The following NRXN3 variants were observed in gnomAD, a reference collection of about 807,000 sequenced individuals.
NRXN3 encodes the protein neurexin 3.
Under a neutral mutation model 137.6 loss-of-function variants are expected in NRXN3, and 32 were observed. The ratio of observed to expected loss-of-function variants is 0.23; its 90% CI spans 0.18 to 0.31. The LOEUF (loss-of-function observed/expected upper bound fraction) is 0.31, where lower values mean the gene tolerates loss of function less well. NRXN3 is among the 10% of genes least tolerant of loss of function. The pLI is 1.00. For synonymous variants in NRXN3, 798 were observed against 784.5 expected, an observed-to-expected ratio of 1.02 and a Z score of -0.29; for missense variants, 1,574 against 2,062.5, an observed-to-expected ratio of 0.76 and a Z score of 4.59.
At chr14:79,653,738 A>C (rs563922104) in intron 16 of NRXN3, among the ~76,000 whole-genome samples, 10 of 152,250 alleles carry the variant, frequency 6.6e-5, no homozygotes, top group African/African-American at 2.4e-4. Flanking sequence ...TCTATTTGCC[A>C]AATAATAATT....
chr14:79,700,914 T>A (rs1344088954), intron 19 of NRXN3, among the ~76,000 whole-genome samples: 1 of 152,116 alleles, frequency 6.6e-6, no homozygotes, highest in African/African-American at 2.4e-5. Flanking sequence ...TATTGAATTT[T>A]AAAAAATTTA....
At chr14:78,842,949 T>C (rs1379172066) in intron 10 of NRXN3, among the ~76,000 whole-genome samples, 1 of 152,132 alleles carries the variant, frequency 6.6e-6, no homozygotes, top group African/African-American at 2.4e-5. Context: ...GTGCCCAGAT[T>C]TCATATTGTT....
At chr14:78,228,010 C>CT (rs1270968731) in intron 1 of NRXN3, among the ~76,000 whole-genome samples, 1 of 152,150 alleles carries the variant, frequency 6.6e-6, no homozygotes, top group Non-Finnish European at 1.5e-5. Flanking sequence ...AGTCACATGT[C>CT]TGAGCTTAGT....
At chr14:78,554,121 C>A (rs1431756167) in intron 4 of NRXN3, among the ~76,000 whole-genome samples, 1 of 152,104 alleles carries the variant, frequency 6.6e-6, no homozygotes, top group Non-Finnish European at 1.5e-5. Flanking sequence ...GAAACACTCA[C>A]ACTTTAGGGA....
At chr14:78,406,835 G>A (rs1215940623) in intron 4 of NRXN3, among the ~76,000 whole-genome samples, 1 of 152,196 alleles carries the variant, frequency 6.6e-6, no homozygotes, top group Non-Finnish European at 1.5e-5. Flanking sequence ...GTAGAAATCA[G>A]TGAACTGGTA....
chr14:78,201,971 G>A lies in NRXN3; in HGVS notation c.-704+31297G>A, dbSNP rs191240597. 3.3e-5 allele frequency among the ~76,000 whole-genome samples: 5 copies of A among 152,374 alleles called. No homozygotes were observed. The East Asian group carries it at 9.6e-4, about 29-fold the overall frequency. ...GGCGGAAATTGGCTACAGCGACCAA[G>A]GCCATTGAATCTAAGGTCCATTTCT... On this transcript the variant is annotated intron_variant, in intron 1 of 20. Transcript: ENST00000335750.
chr14:78,440,393 G>C, intron 4 of NRXN3, among the ~76,000 whole-genome samples: 1 of 151,592 alleles, frequency 6.6e-6, no homozygotes, highest in Non-Finnish European at 1.5e-5. Context: ...TGATGATGAT[G>C]ATTACTGTTA....
chr14:78,247,067 C>T (rs2067799143), intron 2 of NRXN3, among the ~76,000 whole-genome samples: 1 of 152,184 alleles, frequency 6.6e-6, no homozygotes, highest in Non-Finnish European at 1.5e-5. Context: ...GCTGCGAGGG[C>T]CTCTGCAGCT....
intron 3 of NRXN3, 101 bp downstream of exon 3, chr14:78,278,763 G>A: frequency 1.1e-6 from 1 of 928,642 alleles, no homozygotes; most frequent in Non-Finnish European, 1.7e-6. Flanking sequence ...AAAATTCTAA[G>A]TGTATTGCAT....
At chr14:78,444,913 C>T (rs2094371418) in intron 4 of NRXN3, among the ~76,000 whole-genome samples, 1 of 43,162 alleles carries the variant, frequency 2.3e-5, no homozygotes, top group South Asian at 9.4e-4. Flanking sequence ...GGGCAAAACT[C>T]TGTCTCAAAA....
chr14:79,191,495 C>A (rs2064306000), intron 15 of NRXN3, among the ~76,000 whole-genome samples: 1 of 152,200 alleles, frequency 6.6e-6, no homozygotes, highest in South Asian at 2.1e-4. Flanking sequence ...TGACTTCTTG[C>A]ATAACTATGT....
intron 15 of NRXN3, among the ~76,000 whole-genome samples, chr14:79,040,088 A>G (rs547582026): frequency 1.3e-5 from 2 of 152,266 alleles, no homozygotes; most frequent in South Asian, 2.1e-4. Context: ...CATCTCGCTC[A>G]TTACCTGGAT....
intron 19 of NRXN3, among the ~76,000 whole-genome samples, chr14:79,752,086 TA>T (rs1377938063): frequency 2.0e-5 from 3 of 152,198 alleles, no homozygotes; most frequent in Non-Finnish European, 4.4e-5. Context: ...GCTGGCCTCA[TA>T]AAACGAGTTA....
intron 15 of NRXN3, among the ~76,000 whole-genome samples, chr14:79,053,601 G>A (rs1035666793): frequency 7.7e-5 from 11 of 143,110 alleles, no homozygotes; most frequent in South Asian, 2.4e-4. Context: ...AGTATTGTGC[G>A]TGTTCTATGT....
chr14:79,663,704 T>C (rs2098545276), intron 16 of NRXN3, 74 bp from the exon 17 acceptor site: 2 of 1,342,692 alleles, frequency 1.5e-6, no homozygotes, highest in Non-Finnish European at 2.1e-6. Flanking sequence ...TTATTGCTGG[T>C]TGGAGGATCA....
chr14:79,245,971 A>T (rs1275049518), intron 15 of NRXN3, among the ~76,000 whole-genome samples: 3 of 152,180 alleles, frequency 2.0e-5, no homozygotes. Flanking sequence ...TTCTTCATAA[A>T]GATGCCATTT....
chr14:78,405,047 A>T (rs141822710), intron 4 of NRXN3, among the ~76,000 whole-genome samples: 59 of 152,360 alleles, frequency 3.9e-4, no homozygotes, highest in African/African-American at 1.3e-3. Context: ...TATAGGCTTC[A>T]TCCAGCAATT....
At chr14:78,950,797 T>C (rs1003844699) in intron 10 of NRXN3, among the ~76,000 whole-genome samples, 3 of 152,146 alleles carry the variant, frequency 2.0e-5, no homozygotes, top group Non-Finnish European at 4.4e-5. Flanking sequence ...GCAGTGAACT[T>C]TGATTCATAC....
chr14:78,890,253 G>A (rs571082664), intron 10 of NRXN3, among the ~76,000 whole-genome samples: 1 of 152,028 alleles, frequency 6.6e-6, no homozygotes, highest in East Asian at 1.9e-4. Context: ...TTATACAAGA[G>A]CATCAGAAGT....
Sources: allele counts gnomAD v4.1 joint callset (sites outside exome capture counted in the v4.1 genomes callset), GRCh38; gene constraint gnomAD v4.1.1; transcripts MANE v1.5; gene names NCBI Gene and HGNC (gene_info 2026-07-23, HGNC 2026-07-21).